Variants in PTCHD4 observed in about 807,000 individuals in gnomAD.
The protein encoded by PTCHD4 is patched domain-containing protein 4.
A neutral mutation model predicts 58.1 loss-of-function variants in PTCHD4; 33 were observed. That is an observed-to-expected ratio of 0.57 (90% CI 0.43 to 0.76). The LOEUF is 0.76. Among genes scored for constraint, PTCHD4 ranks in the 30% least tolerant of loss-of-function variants. PTCHD4 has a pLI of 0.00. For missense variants in PTCHD4, 1,058 were observed against 1,027.1 expected, an observed-to-expected ratio of 1.03 and a Z score of -0.41; for synonymous variants, 478 against 409.6, an observed-to-expected ratio of 1.17 and a Z score of -2.02.
chr6:48,025,541 G>T (rs1012515780), intron 3 of PTCHD4, among the ~76,000 whole-genome samples: 1 of 152,168 alleles, frequency 6.6e-6, no homozygotes, highest in Non-Finnish European at 1.5e-5. Context: ...TAAGGGCAAA[G>T]ATTCTCTTCT....
chr6:47,882,072 C>G (rs2114103577), intron 4 of PTCHD4, among the ~76,000 whole-genome samples: 1 of 152,216 alleles, frequency 6.6e-6, no homozygotes, highest in Non-Finnish European at 1.5e-5. Context: ...CTTGAAGAGA[C>G]AGAATACAGT....
intron 4 of PTCHD4, among the ~76,000 whole-genome samples, chr6:47,972,961 T>C (rs1002528044): frequency 1.3e-5 from 2 of 152,152 alleles, no homozygotes; most frequent in Admixed American, 1.3e-4. Context: ...TTTATCATGC[T>C]TCTATATTAT....
chr6:48,037,955 G>T (rs1166967525), intron 3 of PTCHD4, among the ~76,000 whole-genome samples: 1 of 149,822 alleles, frequency 6.7e-6, no homozygotes, highest in Non-Finnish European at 1.5e-5. Flanking sequence ...GGTTTGATTT[G>T]TTTTGTTTAT....
At chr6:47,946,011 T>G (rs976472217) in intron 4 of PTCHD4, among the ~76,000 whole-genome samples, 1 of 151,938 alleles carries the variant, frequency 6.6e-6, no homozygotes, top group Admixed American at 6.6e-5. Context: ...ATACTTTTAA[T>G]TACAAACAAA....
Position 47,878,849 on chromosome 6 carries a change from G to C in PTCHD4, c.1986C>G (p.Gly662=). The C allele has an allele frequency of 6.2e-7, 1 of 1,613,672 alleles. No individual in the cohort carries two copies. The highest frequency in any genetic ancestry group is 1.1e-5 in the South Asian group (1 of 91,076). The change falls in exon 5 of 5, where the codon GGC becomes GGG. Residue 662 remains glycine (G), a synonymous_variant. Transcript: ENST00000339488. ...LSVTVPVLIA[G]FGVLLVLILT... ...GGATTAACACCAGGAGAACACCAAA[G>C]CCTGCAATCAGAACAGGCACTGTGA...
At chr6:47,937,483 A>C (rs1174915604) in intron 4 of PTCHD4, among the ~76,000 whole-genome samples, 3 of 152,166 alleles carry the variant, frequency 2.0e-5, no homozygotes, top group South Asian at 4.1e-4. Context: ...GCTAACCTAC[A>C]CAGAAAGGAC....
intron 4 of PTCHD4, among the ~76,000 whole-genome samples, chr6:47,951,813 A>C (rs572685531): frequency 3.3e-5 from 5 of 152,136 alleles, no homozygotes; most frequent in Admixed American, 6.6e-5. Flanking sequence ...TTACATATGA[A>C]TATATTACAA....
intron 1 of PTCHD4, among the ~76,000 whole-genome samples, chr6:48,104,139 C>T (rs1199809770): frequency 1.3e-5 from 2 of 152,068 alleles, no homozygotes; most frequent in Non-Finnish European, 2.9e-5. Flanking sequence ...AACTCCAAGA[C>T]ACGTAATTGT....
intron 1 of PTCHD4, among the ~76,000 whole-genome samples, chr6:48,102,673 C>G (rs1310093609): frequency 1.3e-5 from 2 of 152,174 alleles, no homozygotes; most frequent in African/African-American, 4.8e-5. Flanking sequence ...CATCGCCTCA[C>G]CTGGGAAGTG....
At chr6:47,959,101 A>G (rs1766981359) in intron 4 of PTCHD4, among the ~76,000 whole-genome samples, 1 of 152,246 alleles carries the variant, frequency 6.6e-6, no homozygotes, top group South Asian at 2.1e-4. Flanking sequence ...AATATGATCC[A>G]TAATATTGAG....
chr6:47,956,022 C>T (rs1311586737), intron 4 of PTCHD4, among the ~76,000 whole-genome samples: 22 of 152,162 alleles, frequency 1.4e-4, no homozygotes. Context: ...TTCTTGACAT[C>T]TAGGAAAGTA....
chr6:47,881,891 C>G (rs532917274), intron 4 of PTCHD4, among the ~76,000 whole-genome samples: 2 of 152,138 alleles, frequency 1.3e-5, no homozygotes, highest in East Asian at 3.9e-4. Flanking sequence ...TTTATCATAA[C>G]AAGTAGAAAG....
chr6:48,061,010 T>C (rs1247351502), intron 3 of PTCHD4, among the ~76,000 whole-genome samples: 1 of 152,234 alleles, frequency 6.6e-6, no homozygotes, highest in East Asian at 1.9e-4. Flanking sequence ...TAATCCTGTC[T>C]GAAGAAAGCA....
chr6:47,864,329 C>CACAT lies in PTCHD4; in HGVS notation c.*13973_*13974insATGT, dbSNP rs1253859265. Among the ~76,000 whole-genome samples, 1 of 151,118 alleles carries CACAT rather than the reference C, an allele frequency of 6.6e-6. No individual in the cohort carries two copies. Among genetic ancestry groups the CACAT allele is most frequent in the African/African-American group, 2.4e-5 (1 of 41,112 alleles). On this transcript the variant is annotated 3_prime_UTR_variant, in exon 5 of 5. Coordinates refer to ENST00000339488, the MANE Select transcript of PTCHD4 (RefSeq NM_001384253.1). ...AGATATATATATACACACACACACACATATATATATATGGCTATTTCACCT... is the reference window on the plus strand; with the variant it reads ...AGATATATATATACACACACACACACACATATATATATATATGGCTATTTCACCT...
chr6:48,088,909 G>A (rs779073911), intron 1 of PTCHD4, among the ~76,000 whole-genome samples: 17 of 152,120 alleles, frequency 1.1e-4, no homozygotes, highest in Non-Finnish European at 2.1e-4. Context: ...GCTGAGTGTG[G>A]TGGCGGGCGC....
At chr6:47,882,757 T>TATATATATATATATATATA (rs1554149156) in intron 4 of PTCHD4, among the ~76,000 whole-genome samples, 7 of 146,700 alleles carry the variant, frequency 4.8e-5, no homozygotes, top group Admixed American at 1.4e-4. Context: ...TATATATATA[T>TATATATATATATATATATA]TCCTTAAATT....
intron 3 of PTCHD4, among the ~76,000 whole-genome samples, chr6:48,024,340 C>G (rs775569219): frequency 6.6e-6 from 1 of 151,996 alleles, no homozygotes; most frequent in Non-Finnish European, 1.5e-5. Flanking sequence ...CTAAAATGAA[C>G]GAAAGATTCC....
In PTCHD4 at chr6:47,872,341, G is replaced by T. The variant is rs1199708165; in HGVS notation, c.*5962C>A. 6.6e-6 allele frequency among the ~76,000 whole-genome samples: 1 copy of T among 151,468 alleles called. No individual in the cohort carries two copies. On this transcript the variant is annotated 3_prime_UTR_variant, in exon 5 of 5. Coordinates refer to ENST00000339488, the MANE Select transcript of PTCHD4 (RefSeq NM_001384253.1). Reference sequence around the variant, plus strand: ...AGCATTAGAATTTTTTTCCCCCTCTGGTTTGACAGAGCCTTGTGGGCAATG... The same window carrying T: ...AGCATTAGAATTTTTTTCCCCCTCTTGTTTGACAGAGCCTTGTGGGCAATG...
At chr6:48,079,067 G>A (rs1299627470) in intron 1 of PTCHD4, among the ~76,000 whole-genome samples, 3 of 144,146 alleles carry the variant, frequency 2.1e-5, no homozygotes, top group Non-Finnish European at 4.5e-5. Context: ...GCAGTGAGTC[G>A]AGATCGCGCC....
Sources: allele counts gnomAD v4.1 joint callset (sites outside exome capture counted in the v4.1 genomes callset), GRCh38; gene constraint gnomAD v4.1.1; transcripts MANE v1.5; gene names NCBI Gene and HGNC (gene_info 2026-07-23, HGNC 2026-07-21).